The following SEMA6D variants were observed in gnomAD, a reference collection of about 807,000 sequenced individuals.
The protein encoded by SEMA6D is semaphorin-6D.
In SEMA6D, 35 loss-of-function variants were observed where a neutral mutation model predicts 106.6. The ratio of observed to expected loss-of-function variants is 0.33; its 90% CI spans 0.25 to 0.44. The LOEUF is 0.44. SEMA6D is among the 20% of genes least tolerant of loss of function. SEMA6D has a pLI of 1.00. For synonymous variants in SEMA6D, 499 were observed against 487.7 expected (o/e 1.02, Z -0.31); for missense variants, 1,185 against 1,345.9 (o/e 0.88, Z 1.87).
chr15:47,641,076 G>T lies in SEMA6D; in HGVS notation c.-55+40180G>T, dbSNP rs542667930. The stretch of plus-strand genomic sequence containing the variant: ...CCAAGTTAAATGGAGCGGAGTGGGA[G>T]GGGGAGGAGTTGTTCCATTTCCCCA... On this transcript the variant is annotated intron_variant, in intron 4 of 19. Coordinates refer to the SEMA6D transcript ENST00000558014. Among the ~76,000 whole-genome samples the T allele has an allele frequency of 4.1e-4, 62 of 152,294 alleles. 2 individuals carry two copies. The highest frequency in any genetic ancestry group is 1.3e-3 in the African/African-American group (54 of 41,568).
intron 2 of SEMA6D, among the ~76,000 whole-genome samples, chr15:47,462,861 C>G (rs535913581): frequency 7.2e-5 from 11 of 152,076 alleles, no homozygotes; most frequent in Non-Finnish European, 1.5e-4. Context: ...AAAACCTGTT[C>G]TGCAAGAACC....
intron 1 of SEMA6D, among the ~76,000 whole-genome samples, chr15:47,226,346 G>T (rs2031665562): frequency 6.6e-6 from 1 of 151,974 alleles, no homozygotes; most frequent in Non-Finnish European, 1.5e-5. Flanking sequence ...CATCCAGTTT[G>T]TGGTACTTTG....
chr15:47,546,714 C>T (rs1020334128), intron 3 of SEMA6D, among the ~76,000 whole-genome samples: 8 of 151,676 alleles, frequency 5.3e-5, no homozygotes, highest in Non-Finnish European at 1.2e-4. Flanking sequence ...CATGGTGGGG[C>T]GTGTACATTT....
intron 1 of SEMA6D, among the ~76,000 whole-genome samples, chr15:47,318,640 G>A (rs1487803014): frequency 1.7e-4 from 23 of 136,880 alleles, no homozygotes; most frequent in Admixed American, 1.5e-3. Context: ...GTGTATATGT[G>A]CCACATTTTC....
chr15:47,719,079 C>T (rs1050622664), intron 1 of SEMA6D, among the ~76,000 whole-genome samples: 3 of 151,280 alleles, frequency 2.0e-5, no homozygotes, highest in East Asian at 2.0e-4. Flanking sequence ...GCTCCATCCA[C>T]TCTTGGGACC....
intron 4 of SEMA6D, among the ~76,000 whole-genome samples, chr15:47,680,739 A>T (rs1475264460): frequency 1.3e-5 from 2 of 152,184 alleles, no homozygotes; most frequent in Admixed American, 6.6e-5. Context: ...ATACAACTCA[A>T]TAGCAAAAAA....
intron 1 of SEMA6D, among the ~76,000 whole-genome samples, chr15:47,758,161 T>C (rs1051324363): frequency 6.6e-6 from 1 of 152,156 alleles, no homozygotes; most frequent in East Asian, 1.9e-4. Context: ...ACTGCTGCAA[T>C]ATATTATTCT....
intron 1 of SEMA6D, among the ~76,000 whole-genome samples, chr15:47,211,146 C>G (rs1488420575): frequency 6.6e-6 from 1 of 151,974 alleles, no homozygotes; most frequent in Non-Finnish European, 1.5e-5. Flanking sequence ...TAATGATTGC[C>G]ATCATCTATC....
chr15:47,287,988 A>G (rs920009130), intron 1 of SEMA6D, among the ~76,000 whole-genome samples: 4 of 152,132 alleles, frequency 2.6e-5, no homozygotes, highest in Admixed American at 6.6e-5. Flanking sequence ...AGCAGGAGCA[A>G]AAGAGAGAGA....
intron 1 of SEMA6D, chr15:47,730,097 A>G: frequency 1.3e-6 from 1 of 788,376 alleles, no homozygotes; most frequent in Non-Finnish European, 2.0e-6. Context: ...GAAAATTTAT[A>G]TTATTTTAAT....
intron 1 of SEMA6D, among the ~76,000 whole-genome samples, chr15:47,310,930 T>C (rs2036424685): frequency 6.6e-6 from 1 of 152,182 alleles, no homozygotes; most frequent in Non-Finnish European, 1.5e-5. Context: ...TCTTGTTTGA[T>C]TAGGATCAAT....
At chr15:47,460,543 T>C (rs1229900291) in intron 2 of SEMA6D, among the ~76,000 whole-genome samples, 1 of 152,110 alleles carries the variant, frequency 6.6e-6, no homozygotes, top group Non-Finnish European at 1.5e-5. Context: ...TGCTGTGTGC[T>C]TGAGGACAGT....
intron 3 of SEMA6D, among the ~76,000 whole-genome samples, chr15:47,483,145 G>A (rs1447802185): frequency 2.0e-5 from 3 of 152,074 alleles, no homozygotes; most frequent in Non-Finnish European, 4.4e-5. Flanking sequence ...GAGGGAATTT[G>A]GAGTCATTCA....
intron 3 of SEMA6D, among the ~76,000 whole-genome samples, chr15:47,521,803 G>C (rs918835825): frequency 6.6e-6 from 1 of 152,114 alleles, no homozygotes; most frequent in Admixed American, 6.5e-5. Context: ...GCCTAACACG[G>C]TGAAACCCCG....
chr15:47,707,472 G>A (rs1171944940), intron 4 of SEMA6D, among the ~76,000 whole-genome samples: 2 of 152,154 alleles, frequency 1.3e-5, no homozygotes, highest in Non-Finnish European at 2.9e-5. Context: ...TAAACAGTCA[G>A]CTCAAAAAAG....
At chr15:47,288,628 G>GT (rs1242670730) in intron 1 of SEMA6D, among the ~76,000 whole-genome samples, 1 of 152,120 alleles carries the variant, frequency 6.6e-6, no homozygotes, top group East Asian at 1.9e-4. Flanking sequence ...GAGTGAGTTA[G>GT]TGAATGAATG....
chr15:47,356,559 AAG>A (rs1478258232), intron 1 of SEMA6D, among the ~76,000 whole-genome samples: 1 of 127,384 alleles, frequency 7.9e-6, no homozygotes, highest in Non-Finnish European at 1.8e-5. Context: ...ATAAATAGAG[AAG>A]AGAGAGCGAA....
intron 3 of SEMA6D, among the ~76,000 whole-genome samples, chr15:47,473,125 A>G (rs1451506020): frequency 2.6e-5 from 4 of 152,192 alleles, no homozygotes; most frequent in African/African-American, 9.7e-5. Flanking sequence ...TCCTTTGGAC[A>G]GCCGTGAGAC....
chr15:47,313,031 T>TA (rs929775504), intron 1 of SEMA6D, among the ~76,000 whole-genome samples: 2 of 152,138 alleles, frequency 1.3e-5, no homozygotes, highest in Middle Eastern at 3.2e-3. Context: ...ATTTCCCATG[T>TA]ACCCCCAGCC....
Sources: gnomAD v4.1 joint callset for allele counts (sites outside exome capture counted in the v4.1 genomes callset) on GRCh38, gnomAD v4.1.1 for gene constraint, MANE v1.5 for transcripts, NCBI Gene and HGNC (gene_info 2026-07-23, HGNC 2026-07-21) for gene names.